The following P2RX7 variants were observed in gnomAD, a reference collection of about 807,000 sequenced individuals.
P2RX7 encodes purinergic receptor P2X 7.
A neutral mutation model predicts 71.6 loss-of-function variants in P2RX7; 62 were observed. That is an observed-to-expected ratio of 0.87 (90% CI 0.71 to 1.07). The LOEUF is 1.07. Among genes scored for constraint, P2RX7 ranks in the 50% least tolerant of loss-of-function variants. The pLI, the probability that P2RX7 is intolerant of heterozygous loss-of-function variation, is 0.00. For missense variants in P2RX7, 686 were observed against 748.5 expected, an observed-to-expected ratio of 0.92 and a Z score of 0.97; for synonymous variants, 299 against 283.3, an observed-to-expected ratio of 1.06 and a Z score of -0.56.
Position 121,133,011 on chromosome 12 carries a change from A to C in P2RX7, c.41A>C (p.Glu14Ala). The C allele has an allele frequency of 6.2e-7, 1 of 1,613,980 alleles. No homozygotes were observed. The change falls in exon 1 of 13, where the codon GAG becomes GCG. Residue 14 changes from glutamate to alanine, a missense_variant. By Grantham distance (107) the Glu-to-Ala change is moderately radical (BLOSUM62 -1). Transcript: ENST00000328963. The stretch of plus-strand genomic sequence containing the variant: ...AGCTGCAGTGATGTTTTCCAGTATG[A>C]GACGAACAAAGTCACTCGGATCCAG... ...CCSCSDVFQY[E>A]TNKVTRIQSM...
chr12:121,162,478 T>A lies in P2RX7; in HGVS notation c.491T>A (p.Val164Asp). 6.2e-7 allele frequency: 1 copy of A among 1,613,802 alleles called. No homozygotes were observed. The highest frequency in any genetic ancestry group is 8.5e-7 in the Non-Finnish European group (1 of 1,179,986). ...VYEGNQKTCE[V>D]SAWCPIEAVE... ...GAAGGGAACCAGAAGACCTGTGAAGTCTCTGCCTGGTGCCCCATCGAGGCA... is the reference window on the plus strand; with the variant it reads ...GAAGGGAACCAGAAGACCTGTGAAGACTCTGCCTGGTGCCCCATCGAGGCA... The change falls in exon 5 of 13, where the codon GTC (valine) becomes GAC (aspartate). Residue 164 changes from valine (V) to aspartate (D), a missense_variant. Coordinates refer to ENST00000328963, the MANE Select transcript of P2RX7 (RefSeq NM_002562.6).
chr12:121,145,962 A>G (rs1252748960), intron 1 of P2RX7, among the ~76,000 whole-genome samples: 2 of 152,208 alleles, frequency 1.3e-5, no homozygotes, highest in African/African-American at 2.4e-5. Context: ...AGTTGATGGG[A>G]TAAATGAAAA....
chr12:121,138,556 C>A (rs1874192991), intron 1 of P2RX7, among the ~76,000 whole-genome samples: 1 of 152,244 alleles, frequency 6.6e-6, no homozygotes, highest in Non-Finnish European at 1.5e-5. Context: ...ACGTGAACCA[C>A]ATCCAGTGGA....
At chr12:121,183,322 G>A (rs1033136404) in intron 12 of P2RX7, among the ~76,000 whole-genome samples, 1 of 151,544 alleles carries the variant, frequency 6.6e-6, no homozygotes, top group African/African-American at 2.4e-5. Context: ...TGTAATCTCA[G>A]TACTTTGGGA....
At chr12:121,169,723 T>C (rs369830396) in intron 8 of P2RX7, among the ~76,000 whole-genome samples, 1 of 152,086 alleles carries the variant, frequency 6.6e-6, no homozygotes, top group Non-Finnish European at 1.5e-5. Context: ...CTGGGCAACA[T>C]AGGGAGACCC....
At chr12:121,136,492 A>AT (rs111788243) in intron 1 of P2RX7, among the ~76,000 whole-genome samples, 11,696 of 148,576 alleles carry the variant, frequency 0.079, 1,359 homozygotes, top group African/African-American at 0.26. Context: ...CTAATTTTTT[A>AT]TTTTTTTTTG....
intron 8 of P2RX7, among the ~76,000 whole-genome samples, chr12:121,174,838 G>A (rs1472615807): frequency 2.0e-5 from 3 of 151,894 alleles, no homozygotes; most frequent in African/African-American, 7.3e-5. Context: ...CCGTCACTCT[G>A]AGATGATGCA....
At chr12:121,161,318 C>T (rs1232933167) in intron 4 of P2RX7, among the ~76,000 whole-genome samples, 1 of 152,228 alleles carries the variant, frequency 6.6e-6, no homozygotes, top group Non-Finnish European at 1.5e-5. Flanking sequence ...CTTTTACCCC[C>T]AGGGAACCTG....
chr12:121,163,625 A>G (rs1453736607), intron 5 of P2RX7, among the ~76,000 whole-genome samples: 1 of 97,008 alleles, frequency 1.0e-5, no homozygotes, highest in Non-Finnish European at 2.3e-5. Flanking sequence ...AGATAGATAG[A>G]TAGATAGATA....
chr12:121,160,911 C>A lies in P2RX7; in HGVS notation c.373C>A (p.Arg125Ser). 1 of 1,613,414 alleles carries A rather than the reference C, an allele frequency of 6.2e-7. No individual in the cohort carries two copies. The highest frequency in any genetic ancestry group is 8.5e-7 in the Non-Finnish European group (1 of 1,179,300). ...ATCCTTCTATCTGCAGTATCCCACCCGCAGGACGCTCTGTTCCTCTGACCG... is the reference window on the plus strand; with the variant it reads ...ATCCTTCTATCTGCAGTATCCCACCAGCAGGACGCTCTGTTCCTCTGACCG... ...EQRLCPEYPT[R>S]RTLCSSDRGC... The change falls in exon 4 of 13, where the codon CGC becomes AGC. Residue 125 changes from arginine to serine, a missense_variant. Physicochemically the swap from Arg to Ser is moderately radical, Grantham distance 110. Transcript: ENST00000328963.
rs200486935 is a variant in P2RX7, at chr12:121,184,963, C to T, written c.*161C>T. 2.4e-5 allele frequency: 14 copies of T among 595,526 alleles called. No homozygotes were observed. 36.9% of individuals were successfully genotyped at this position (595,526 alleles called of 1,614,324 possible). ...AGCCAGACATGGTGGCATGCACCTG[C>T]AATCCCAGCTACTCGGGAGGCTGAG... On this transcript the variant is annotated 3_prime_UTR_variant, in exon 13 of 13. Coordinates refer to ENST00000328963, the MANE Select transcript of P2RX7 (RefSeq NM_002562.6).
rs78120903 is a variant in P2RX7 at position 121,178,922 on chromosome 12, G to C, written c.1189-1432G>C. On this transcript the variant is annotated intron_variant, in intron 11 of 12. Coordinates refer to ENST00000328963, the MANE Select transcript of P2RX7 (RefSeq NM_002562.6). ...TATATAGGTTAAAAAAAAATCACTA[G>C]ACACAGAAGCTAATCTGTATATTTT... Among the ~76,000 whole-genome samples the C allele has an allele frequency of 1.9e-3, 283 of 150,240 alleles. 10 individuals are homozygous for C. In the East Asian group the frequency reaches 0.051, roughly 27 times the overall value.
At chr12:121,144,180 C>T (rs11065453) in intron 1 of P2RX7, among the ~76,000 whole-genome samples, 14,899 of 152,094 alleles carry the variant, frequency 0.098, 1,221 homozygotes, top group East Asian at 0.25. Context: ...AGAAACCCTG[C>T]CCAATAGAAT....
At chr12:121,170,586 C>T (rs965665704) in intron 8 of P2RX7, among the ~76,000 whole-genome samples, 3 of 152,072 alleles carry the variant, frequency 2.0e-5, no homozygotes, top group Admixed American at 2.0e-4. Flanking sequence ...ACCAGCCTGG[C>T]CAACATGGTG....
Position 121,187,306 on chromosome 12 carries a change from A to G in P2RX7, c.*2504A>G, listed in dbSNP as rs1369924126. 1 of 152,168 alleles carries G rather than the reference A, an allele frequency of 6.6e-6. No homozygotes were observed. The highest frequency in any genetic ancestry group is 2.4e-5 in the African/African-American group (1 of 41,430). The allele number at this position is 152,168 out of a possible 1,614,324, so 9.4% of individuals were successfully genotyped here. A position where few individuals can be genotyped will look rare whatever the true frequency, so the allele number is the denominator to read the frequency against. On this transcript the variant is annotated 3_prime_UTR_variant, in exon 13 of 13. Coordinates refer to ENST00000328963, the MANE Select transcript of P2RX7 (RefSeq NM_002562.6). ...CATGTAAGACAGCATGAATAAAACCATTTTTTGATACAGGGTTTTATTTGG... is the reference window on the plus strand; with the variant it reads ...CATGTAAGACAGCATGAATAAAACCGTTTTTTGATACAGGGTTTTATTTGG...
intron 12 of P2RX7, among the ~76,000 whole-genome samples, chr12:121,182,268 C>A (rs1032930934): frequency 4.6e-5 from 7 of 152,112 alleles, no homozygotes; most frequent in Non-Finnish European, 1.0e-4. Context: ...TTTTACATCT[C>A]TTCTTGAGAA....
chr12:121,133,303 C>A (rs79890994), intron 1 of P2RX7, among the ~76,000 whole-genome samples: 1 of 152,178 alleles, frequency 6.6e-6, no homozygotes. Context: ...ACAGGACAAG[C>A]GGGATTCCTT....
intron 9 of P2RX7, among the ~76,000 whole-genome samples, chr12:121,176,797 T>C (rs1019255287): frequency 6.6e-6 from 1 of 150,660 alleles, no homozygotes; most frequent in African/African-American, 2.4e-5. Context: ...CAGACATTCC[T>C]TCCCTCTGCT....
chr12:121,174,051 T>C (rs1201614680), intron 8 of P2RX7, among the ~76,000 whole-genome samples: 3 of 140,344 alleles, frequency 2.1e-5, no homozygotes, highest in African/African-American at 8.3e-5. Flanking sequence ...TTCTTTTCTT[T>C]TTTTTTTTTT....
Sources: allele counts gnomAD v4.1 joint callset (sites outside exome capture counted in the v4.1 genomes callset), GRCh38; gene constraint gnomAD v4.1.1; transcripts MANE v1.5; gene names NCBI Gene and HGNC (gene_info 2026-07-23, HGNC 2026-07-21).